ELMO1: variants seen among roughly 807,000 people sequenced by gnomAD.
ELMO1 encodes the protein engulfment and cell motility protein 1.
Under a neutral mutation model 98.9 loss-of-function variants are expected in ELMO1, and 26 were observed. The observed-to-expected ratio is 0.26, with a 90% CI of 0.19 to 0.36. The LOEUF is 0.36. ELMO1 is among the 10% of genes least tolerant of loss of function. The pLI, the probability that ELMO1 is intolerant of heterozygous loss-of-function variation, is 1.00. For synonymous variants in ELMO1, 346 were observed against 346.0 expected (o/e 1.00, Z 0.00); for missense variants, 627 against 935.2 (o/e 0.67, Z 4.30).
intron 14 of ELMO1, chr7:37,117,148 C>CAG (rs1785653622): frequency 4.9e-6 from 1 of 205,686 alleles, no homozygotes; most frequent in African/African-American, 2.3e-5. Flanking sequence ...ACTCAGCCTA[C>CAG]AGTTGGGATA....
In ELMO1 at chr7:37,336,542, C is replaced by G. The variant is rs942297055; in HGVS notation, c.78+6071G>C. Among the ~76,000 whole-genome samples, 11 of 152,012 alleles carry G rather than the reference C, an allele frequency of 7.2e-5. No individual in the cohort carries two copies. The South Asian group carries it at 1.5e-3, about 20-fold the overall frequency. ...AGAGTGTCGACAGTGAACACACAGACCAGAGGGCTTAGCACTGAGGTTGGA... is the reference window on the plus strand; with the variant it reads ...AGAGTGTCGACAGTGAACACACAGAGCAGAGGGCTTAGCACTGAGGTTGGA... On this transcript the variant is annotated intron_variant, in intron 2 of 21. Transcript: ENST00000310758.
intron 16 of ELMO1, among the ~76,000 whole-genome samples, chr7:36,974,918 G>A (rs1020796574): frequency 4.6e-5 from 7 of 151,818 alleles, no homozygotes; most frequent in African/African-American, 1.5e-4. Context: ...CACTGCGAAC[G>A]TCTGCAACTT....
intron 16 of ELMO1, among the ~76,000 whole-genome samples, chr7:36,928,855 A>G (rs933802222): frequency 6.6e-6 from 1 of 152,234 alleles, no homozygotes; most frequent in Non-Finnish European, 1.5e-5. Context: ...AGAATGTACT[A>G]AAGTGTGGCA....
intron 1 of ELMO1, among the ~76,000 whole-genome samples, chr7:37,392,238 A>G (rs555420066): frequency 1.3e-5 from 2 of 152,208 alleles, no homozygotes; most frequent in Non-Finnish European, 2.9e-5. Context: ...AGAGGTCAGC[A>G]TATCTCTAAC....
intron 13 of ELMO1, among the ~76,000 whole-genome samples, chr7:37,155,433 C>T (rs1459299766): frequency 8.8e-6 from 1 of 114,040 alleles, no homozygotes; most frequent in Non-Finnish European, 1.7e-5. Context: ...TGTGCAAAGA[C>T]AAAGACACAT....
chr7:36,964,950 G>T (rs1789283031), intron 16 of ELMO1, among the ~76,000 whole-genome samples: 1 of 152,158 alleles, frequency 6.6e-6, no homozygotes. Context: ...AACTGGCCTT[G>T]CTTCCCTCTG....
chr7:37,162,792 G>C (rs946760405), intron 13 of ELMO1, among the ~76,000 whole-genome samples: 3 of 152,156 alleles, frequency 2.0e-5, no homozygotes, highest in Non-Finnish European at 2.9e-5. Flanking sequence ...AAATTGCTAG[G>C]TTACATGCAA....
intron 16 of ELMO1, among the ~76,000 whole-genome samples, chr7:36,970,027 G>C (rs1789777135): frequency 6.6e-6 from 1 of 151,926 alleles, no homozygotes; most frequent in Admixed American, 6.6e-5. Flanking sequence ...ATGTACTAAA[G>C]AATACTATAC....
At chr7:36,959,947 T>C (rs901252430) in intron 16 of ELMO1, among the ~76,000 whole-genome samples, 2 of 152,118 alleles carry the variant, frequency 1.3e-5, no homozygotes, top group African/African-American at 4.8e-5. Context: ...TCCCAAAGCA[T>C]ATAATCTCAT....
intron 4 of ELMO1, among the ~76,000 whole-genome samples, chr7:37,295,608 C>T (rs886721340): frequency 2.0e-5 from 3 of 152,172 alleles, no homozygotes; most frequent in Admixed American, 1.3e-4. Flanking sequence ...TCCCTGCCAA[C>T]AGTTACATTC....
intron 1 of ELMO1, among the ~76,000 whole-genome samples, chr7:37,379,276 G>A (rs554899209): frequency 7.9e-5 from 12 of 152,148 alleles, no homozygotes; most frequent in Admixed American, 3.3e-4. Context: ...TCCTGACCTC[G>A]TGATCCACCC....
rs1346725478 is a variant in ELMO1, at chr7:37,446,083, C to T, written c.-74+2592G>A. On this transcript the variant is annotated intron_variant, in intron 1 of 21. Transcript: ENST00000310758. ...TGGCCTGGCATGGGGGAAAGGACAG[C>T]GAAAAAAGCAAAAGCCCATTACCTG... Among the ~76,000 whole-genome samples, 6 of 152,114 alleles carry T rather than the reference C, an allele frequency of 3.9e-5. No individual in the cohort carries two copies. In the East Asian group the frequency reaches 7.7e-4, roughly 20 times the overall value.
At chr7:37,037,679 G>A (rs1795271750) in intron 15 of ELMO1, among the ~76,000 whole-genome samples, 1 of 152,156 alleles carries the variant, frequency 6.6e-6, no homozygotes, top group Non-Finnish European at 1.5e-5. Flanking sequence ...GGGGTCAACA[G>A]AAGTTTTGTA....
rs529525492 is a variant in ELMO1, at chr7:37,208,579, G to A, written c.1086+2807C>T. ...TACAGAGAGAATTCTGCACGAGACT[G>A]CTTACAGCATCTAGAGATTTTGCAG... On this transcript the variant is annotated intron_variant, in intron 13 of 21. Coordinates refer to ENST00000310758, the MANE Select transcript of ELMO1 (RefSeq NM_014800.11). Among the ~76,000 whole-genome samples, 6 of 152,312 alleles carry A rather than the reference G, an allele frequency of 3.9e-5. No individual in the cohort carries two copies. The South Asian group carries it at 6.2e-4, about 16-fold the overall frequency.
chr7:37,307,548 G>C (rs1798675626), intron 4 of ELMO1, among the ~76,000 whole-genome samples: 1 of 152,156 alleles, frequency 6.6e-6, no homozygotes, highest in Non-Finnish European at 1.5e-5. Context: ...AGAAAGGACA[G>C]GAATGAATAC....
chr7:37,168,077 A>G (rs1311190686), intron 13 of ELMO1, among the ~76,000 whole-genome samples: 1 of 150,608 alleles, frequency 6.6e-6, no homozygotes, highest in African/African-American at 2.4e-5. Context: ...TTCTCGCTTC[A>G]TTTCATTCAT....
chr7:37,246,868 C>A (rs1226961222), intron 6 of ELMO1, among the ~76,000 whole-genome samples: 1 of 140,292 alleles, frequency 7.1e-6, no homozygotes, highest in African/African-American at 3.2e-5. Flanking sequence ...ATATATATCT[C>A]TATCTATCTA....
intron 13 of ELMO1, among the ~76,000 whole-genome samples, chr7:37,154,512 G>A (rs1584729811): frequency 6.6e-6 from 1 of 152,196 alleles, no homozygotes; most frequent in African/African-American, 2.4e-5. Context: ...AGAACTGCGT[G>A]AAGCATACAC....
rs763975766 is a variant in ELMO1, at chr7:37,342,676, C to T, written c.15G>A (p.Ala5=). The T allele has an allele frequency of 2.0e-5, 33 of 1,610,492 alleles. No homozygotes were observed. Among genetic ancestry groups the T allele is most frequent in the Non-Finnish European group, 2.4e-5 (28 of 1,178,928 alleles). MPPP[A]DIVKVAIEWP... is the part of the protein sequence containing the mutation. ...ATTCTATGGCCACCTTGACGATGTC[C>T]GCGGGTGGCGGCATTGTAAGTCCCC... Residue 5 remains alanine (A), a synonymous_variant, in exon 2 of 22, where the codon GCG becomes GCA. Coordinates refer to ENST00000310758, the MANE Select transcript of ELMO1 (RefSeq NM_014800.11). This position sits in a 1 kb window ranked among gnomAD's most constrained non-coding sequence, Gnocchi z 4.3.
Sources: gnomAD v4.1 joint callset for allele counts (sites outside exome capture counted in the v4.1 genomes callset) on GRCh38, gnomAD v4.1.1 for gene constraint, Gnocchi (gnomAD v3.1) non-coding constraint, MANE v1.5 for transcripts, NCBI Gene and HGNC (gene_info 2026-07-23, HGNC 2026-07-21) for gene names.